MAD1L1: variants seen among roughly 807,000 people sequenced by gnomAD.
MAD1L1 encodes mitotic arrest deficient 1 like 1.
A neutral mutation model predicts 96.9 loss-of-function variants in MAD1L1; 95 were observed. The observed-to-expected ratio is 0.98, with a 90% CI of 0.83 to 1.16. The LOEUF is 1.16. Ranked by LOEUF, MAD1L1 falls within the 50% of genes most tolerant of loss-of-function variation. The probability of loss-of-function intolerance (pLI) is 0.00; values close to 1 mark genes in which losing one functional copy is unlikely to be tolerated. For synonymous variants in MAD1L1, 473 were observed against 396.6 expected (o/e 1.19, Z -2.29); for missense variants, 1,007 against 954.4 (o/e 1.06, Z -0.73).
intron 18 of MAD1L1, chr7:1,897,980 C>A: frequency 1.7e-6 from 1 of 594,446 alleles, no homozygotes; most frequent in Non-Finnish European, 3.0e-6. Flanking sequence ...GTCTTCTGCA[C>A]CCAGGAGGTC....
intron 16 of MAD1L1, among the ~76,000 whole-genome samples, chr7:1,950,417 A>G (rs1156745712): frequency 6.6e-6 from 1 of 152,218 alleles, no homozygotes; most frequent in Non-Finnish European, 1.5e-5. Context: ...CCTCATCAGC[A>G]GATGAAGGAC....
chr7:1,964,445 G>C (rs1415090918), intron 15 of MAD1L1, among the ~76,000 whole-genome samples: 1 of 152,230 alleles, frequency 6.6e-6, no homozygotes, highest in Non-Finnish European at 1.5e-5. Flanking sequence ...TGCACCGAAG[G>C]GGTGCGCTTT....
At chr7:1,884,650 G>A (rs955815409) in intron 18 of MAD1L1, among the ~76,000 whole-genome samples, 5 of 152,224 alleles carry the variant, frequency 3.3e-5, no homozygotes, top group African/African-American at 9.6e-5. Flanking sequence ...GAGACAGCCC[G>A]AGAGGGGCTG....
intron 13 of MAD1L1, among the ~76,000 whole-genome samples, chr7:2,010,444 C>T (rs1032005629): frequency 1.1e-4 from 16 of 152,186 alleles, no homozygotes; most frequent in Admixed American, 9.2e-4. Flanking sequence ...TTAAATAAAT[C>T]GGAAACACAA....
chr7:1,939,604 C>T (rs975683594), intron 16 of MAD1L1, among the ~76,000 whole-genome samples: 1 of 152,224 alleles, frequency 6.6e-6, no homozygotes, highest in African/African-American at 2.4e-5. Flanking sequence ...ATGGCCTCCT[C>T]CCCTTTGGCA....
At chr7:1,958,066 G>T (rs930354167) in intron 15 of MAD1L1, among the ~76,000 whole-genome samples, 1 of 152,188 alleles carries the variant, frequency 6.6e-6, no homozygotes, top group African/African-American at 2.4e-5. Flanking sequence ...CTCCCAGAGG[G>T]TGATGTGATG....
chr7:2,097,504 G>A (rs1386230846), intron 11 of MAD1L1, among the ~76,000 whole-genome samples: 5 of 152,180 alleles, frequency 3.3e-5, no homozygotes, highest in Non-Finnish European at 7.3e-5. Flanking sequence ...CAATGGGGCC[G>A]AGGAACAATG....
At chr7:2,083,818 T>A (rs1049386765) in intron 11 of MAD1L1, among the ~76,000 whole-genome samples, 1 of 152,190 alleles carries the variant, frequency 6.6e-6, no homozygotes. Context: ...GAGCGCCCGT[T>A]CCCATCTCCA....
chr7:1,957,840 A>T (rs1362797843), intron 15 of MAD1L1, 121 bp from the exon 16 acceptor site: 3 of 772,810 alleles, frequency 3.9e-6, no homozygotes, highest in Admixed American at 2.5e-5. Context: ...TTATTTCTAA[A>T]TACATATCTG....
At chr7:1,839,183 G>C (rs1783098663) in intron 18 of MAD1L1, among the ~76,000 whole-genome samples, 1 of 152,184 alleles carries the variant, frequency 6.6e-6, no homozygotes, top group Admixed American at 6.5e-5. Context: ...AAAGGGGCTG[G>C]CCGCAGCTTC....
At chr7:1,924,037 C>A (rs1482351621) in intron 17 of MAD1L1, among the ~76,000 whole-genome samples, 1 of 152,182 alleles carries the variant, frequency 6.6e-6, no homozygotes, top group Non-Finnish European at 1.5e-5. Context: ...AGAATGCAAT[C>A]TAAAATTAAG....
intron 18 of MAD1L1, among the ~76,000 whole-genome samples, chr7:1,883,505 G>A (rs1785816170): frequency 6.6e-6 from 1 of 152,174 alleles, no homozygotes; most frequent in African/African-American, 2.4e-5. Context: ...CTCCCCACTG[G>A]CTGCTGCCTG....
rs554373004 is a variant in MAD1L1, at chr7:2,085,949, C to T, written c.1074-16611G>A. 4.6e-5 allele frequency among the ~76,000 whole-genome samples: 7 copies of T among 152,346 alleles called. 1 individual carries two copies. The South Asian group carries it at 1.4e-3, about 32-fold the overall frequency. On this transcript the variant is annotated intron_variant, in intron 11 of 18. Coordinates refer to ENST00000265854, the MANE Select transcript of MAD1L1 (RefSeq NM_001013836.2). The stretch of plus-strand genomic sequence containing the variant: ...TGCGTACGAGGGCGCCGACTGCCCA[C>T]TCCCGCCAACTTCACAGGCCCATCA...
At chr7:1,844,635 TC>T (rs1247279376) in intron 18 of MAD1L1, among the ~76,000 whole-genome samples, 1 of 151,314 alleles carries the variant, frequency 6.6e-6, no homozygotes, top group Non-Finnish European at 1.5e-5. Context: ...TTGGTGACCA[TC>T]CCCCCAAAGC....
intron 6 of MAD1L1, 37 bp downstream of exon 6, chr7:2,219,295 G>T: frequency 6.5e-7 from 1 of 1,530,356 alleles, no homozygotes; most frequent in South Asian, 1.2e-5. Flanking sequence ...CCCCACACGT[G>T]ACCCGACCCC....
chr7:2,206,650 A>T (rs1269853943), intron 10 of MAD1L1, among the ~76,000 whole-genome samples: 2 of 152,248 alleles, frequency 1.3e-5, no homozygotes, highest in Non-Finnish European at 2.9e-5. Context: ...ACATGTCTAT[A>T]CTTAATACCA....
At chr7:1,932,947 G>T (rs1239933288) in intron 17 of MAD1L1, among the ~76,000 whole-genome samples, 1 of 152,112 alleles carries the variant, frequency 6.6e-6, no homozygotes, top group Admixed American at 6.5e-5. Context: ...TCCATTCACT[G>T]TTCCCTACTT....
intron 15 of MAD1L1, among the ~76,000 whole-genome samples, chr7:1,976,335 C>T (rs12699547): frequency 0.35 from 52,758 of 152,078 alleles, 9,290 homozygotes; most frequent in Middle Eastern, 0.4. Context: ...CGGACATGTT[C>T]GGAGTTTCTT....
chr7:1,822,863 G>A (rs1335420070), intron 18 of MAD1L1, among the ~76,000 whole-genome samples: 1 of 151,856 alleles, frequency 6.6e-6, no homozygotes, highest in Non-Finnish European at 1.5e-5. Context: ...AGCGTTATAC[G>A]GCTCCTACGT....
Sources: allele counts gnomAD v4.1 joint callset (sites outside exome capture counted in the v4.1 genomes callset), GRCh38; gene constraint gnomAD v4.1.1; transcripts MANE v1.5; gene names NCBI Gene and HGNC (gene_info 2026-07-23, HGNC 2026-07-21).